The following CASK variants were observed in gnomAD, a reference collection of about 807,000 sequenced individuals.
CASK encodes the protein calcium/calmodulin dependent serine protein kinase, also known as peripheral plasma membrane protein CASK.
Under a neutral mutation model 82.9 loss-of-function variants are expected in CASK, and 4 were observed. The observed-to-expected ratio is 0.05, with a 90% CI of 0.02 to 0.11. The LOEUF (loss-of-function observed/expected upper bound fraction) is 0.11, where lower values mean the gene tolerates loss of function less well. Ranked by LOEUF, CASK falls within the 10% of genes least tolerant of loss-of-function variation. The probability of loss-of-function intolerance (pLI) is 1.00; values close to 1 mark genes in which losing one functional copy is unlikely to be tolerated. For synonymous variants in CASK, 259 were observed against 253.5 expected (o/e 1.02, Z -0.20); for missense variants, 358 against 720.9 (o/e 0.50, Z 5.76).
chrX:41,840,546 C>T (rs912146876), intron 2 of CASK, among the ~76,000 whole-genome samples: 2 of 111,904 alleles, frequency 1.8e-5, no homozygotes, highest in Non-Finnish European at 3.8e-5. Context: ...TTACTTCTTT[C>T]CCCCCAATCT....
chrX:41,758,475 T>C (rs2068938457), intron 3 of CASK, among the ~76,000 whole-genome samples: 1 of 106,643 alleles, frequency 9.4e-6, no homozygotes, highest in Non-Finnish European at 1.9e-5. Flanking sequence ...AAAGTCTTCA[T>C]GGAGTAGTCA....
intron 2 of CASK, among the ~76,000 whole-genome samples, chrX:41,830,324 G>A (rs757165892): frequency 1.8e-5 from 2 of 110,940 alleles, no homozygotes; most frequent in East Asian, 2.9e-4. Flanking sequence ...CAAGTCTTTT[G>A]TCCATCTCTG....
chrX:41,552,361 T>C (rs1049401750), intron 21 of CASK, among the ~76,000 whole-genome samples: 2 of 110,823 alleles, frequency 1.8e-5, no homozygotes, highest in Admixed American at 9.7e-5. Context: ...TTACAGGAAA[T>C]AGGAAGCAAA....
chrX:41,744,883 T>TA lies in CASK; in HGVS notation c.356+640dup, dbSNP rs746259255. On this transcript the variant is annotated intron_variant, in intron 4 of 26. Transcript: ENST00000378163. ...TGAGGCAGATTTGCCAAAACAAAAATAAAAAAACCCAAGTAGAATTCTACA... is the reference window on the plus strand; with the variant it reads ...TGAGGCAGATTTGCCAAAACAAAAATAAAAAAAACCCAAGTAGAATTCTACA... Among the ~76,000 whole-genome samples, 5 of 111,687 alleles carry TA rather than the reference T, an allele frequency of 4.5e-5. No individual in the cohort carries two copies. The South Asian group carries it at 1.1e-3, about 25-fold the overall frequency.
At chrX:41,857,631 C>T (rs183527751) in intron 1 of CASK, among the ~76,000 whole-genome samples, 38 of 111,268 alleles carry the variant, frequency 3.4e-4, no homozygotes, top group African/African-American at 1.1e-3. Flanking sequence ...AAGCGTTGGC[C>T]GATAATTTGG....
At chrX:41,713,835 G>T (rs1430831013) in intron 5 of CASK, among the ~76,000 whole-genome samples, 2 of 111,773 alleles carry the variant, frequency 1.8e-5, no homozygotes, top group African/African-American at 3.3e-5. Context: ...AGTGGAAATC[G>T]ATGGGGTTAA....
intron 5 of CASK, among the ~76,000 whole-genome samples, chrX:41,673,018 A>G (rs1174739484): frequency 8.9e-6 from 1 of 112,163 alleles, no homozygotes; most frequent in Non-Finnish European, 1.9e-5. Context: ...CAAGCCTAGA[A>G]AAGAATGAAC....
chrX:41,761,354 G>A (rs936920932), intron 3 of CASK, among the ~76,000 whole-genome samples: 1 of 111,381 alleles, frequency 9.0e-6, no homozygotes, highest in Non-Finnish European at 1.9e-5. Context: ...CCCTGATATG[G>A]CCTTGCAGAT....
At chrX:41,773,063 A>G (rs2069276453) in intron 3 of CASK, among the ~76,000 whole-genome samples, 2 of 111,196 alleles carry the variant, frequency 1.8e-5, no homozygotes, top group South Asian at 3.8e-4. Flanking sequence ...ACATTCCCCA[A>G]TTCATTTTAT....
chrX:41,829,146 G>A (rs1410815795), intron 2 of CASK, among the ~76,000 whole-genome samples: 1 of 110,840 alleles, frequency 9.0e-6, no homozygotes, highest in Non-Finnish European at 1.9e-5. Context: ...CTTTCCCTTC[G>A]GACAATGTAT....
Position 41,517,987 on chromosome X carries a change from T to C in CASK, c.*2433A>G. On this transcript the variant is annotated 3_prime_UTR_variant, in exon 27 of 27. Transcript: ENST00000378163. ...TTCACCATCGGAATGATGGCAAGAA[T>C]GATGCCTGCCTGTGTGCTTCTCAGA... The C allele has an allele frequency of 2.5e-6, 1 of 404,667 alleles. No homozygotes were observed. The allele number at this position is 404,667 out of a possible 1,213,427, so 33.3% of individuals were successfully genotyped here.
chrX:41,598,642 G>A (rs1602324099), intron 12 of CASK, among the ~76,000 whole-genome samples: 1 of 111,988 alleles, frequency 8.9e-6, no homozygotes, highest in African/African-American at 3.2e-5. Flanking sequence ...GATTACAGGC[G>A]TGAGCCATGG....
chrX:41,787,457 CT>C (rs1485059367), intron 2 of CASK, among the ~76,000 whole-genome samples, 174 bp from the exon 3 acceptor site: 1 of 107,189 alleles, frequency 9.3e-6, no homozygotes, highest in Non-Finnish European at 1.9e-5. Flanking sequence ...TTGACTATAG[CT>C]TTTCATATTT....
At chrX:41,640,272 C>T (rs770129128) in intron 8 of CASK, among the ~76,000 whole-genome samples, 26 of 109,813 alleles carry the variant, frequency 2.4e-4, no homozygotes, top group Non-Finnish European at 3.8e-4. Flanking sequence ...GGCATGATCT[C>T]GGCTCACTGC....
At chrX:41,740,628 AT>A (rs2068580571) in intron 4 of CASK, among the ~76,000 whole-genome samples, 1 of 112,203 alleles carries the variant, frequency 8.9e-6, no homozygotes, top group East Asian at 2.8e-4. Flanking sequence ...GAAAGGTTCC[AT>A]TTTAAAAATG....
At chrX:41,831,178 G>A (rs1331969) in intron 2 of CASK, among the ~76,000 whole-genome samples, 19,879 of 109,723 alleles carry the variant, frequency 0.18, 1,641 homozygotes, top group Middle Eastern at 0.3. Context: ...CACACATACC[G>A]CTTTTGGGTT....
intron 12 of CASK, among the ~76,000 whole-genome samples, chrX:41,598,498 C>T (rs772457958): frequency 5.4e-4 from 60 of 110,659 alleles, no homozygotes; most frequent in Middle Eastern, 4.7e-3. Context: ...ATTACAGGCA[C>T]GCACCACCAC....
At chrX:41,777,612 T>C (rs1479960063) in intron 3 of CASK, among the ~76,000 whole-genome samples, 1 of 111,784 alleles carries the variant, frequency 8.9e-6, no homozygotes, top group African/African-American at 3.2e-5. Context: ...AGATTAGTTA[T>C]TTCTGAGAGA....
intron 2 of CASK, among the ~76,000 whole-genome samples, chrX:41,830,836 AC>A (rs1433533935): frequency 1.8e-5 from 2 of 108,680 alleles, no homozygotes; most frequent in African/African-American, 3.3e-5. Flanking sequence ...AAAAAAAAAA[AC>A]AAAAGAAGTG....
Sources: gnomAD v4.1 joint callset for allele counts (sites outside exome capture counted in the v4.1 genomes callset) on GRCh38, gnomAD v4.1.1 for gene constraint, MANE v1.5 for transcripts, NCBI Gene and HGNC (gene_info 2026-07-23, HGNC 2026-07-21) for gene names.